PARN: variants seen among roughly 807,000 people sequenced by gnomAD.
PARN encodes poly(A)-specific ribonuclease PARN.
PARN carries 71 observed loss-of-function variants against 102.8 expected under a neutral mutation model. That is an observed-to-expected ratio of 0.69 (90% confidence interval 0.57 to 0.84). PARN has a LOEUF of 0.84. Among genes scored for constraint, PARN ranks in the 40% least tolerant of loss-of-function variants. PARN has a pLI of 0.00. For synonymous variants in PARN, 261 were observed against 252.9 expected (o/e 1.03, Z -0.30); for missense variants, 782 against 760.9 (o/e 1.03, Z -0.33).
intron 15 of PARN, 50 bp downstream of exon 15, chr16:14,584,698 AT>A: frequency 3.9e-6 from 5 of 1,298,402 alleles, no homozygotes; most frequent in Non-Finnish European, 5.5e-6. Context: ...TCTGGCATTC[AT>A]TTCACTCAGT....
Position 14,556,790 on chromosome 16 carries a change from G to A in PARN, c.1263-1081C>T, listed in dbSNP as rs1430226239. On this transcript the variant is annotated intron_variant, in intron 18 of 23. Coordinates refer to ENST00000437198, the MANE Select transcript of PARN (RefSeq NM_002582.4). ...TTGTGAGCTGAGAATGACAACACAG[G>A]TTTCTTTTTTTTTAATGAAATGCAA... 3.9e-5 allele frequency among the ~76,000 whole-genome samples: 6 copies of A among 151,958 alleles called. No individual in the cohort carries two copies. The East Asian group carries it at 1.2e-3, about 29-fold the overall frequency.
chr16:14,606,166 G>A (rs4782157), intron 10 of PARN, among the ~76,000 whole-genome samples: 45,273 of 152,018 alleles, frequency 0.3, 7,670 homozygotes, highest in South Asian at 0.42. Flanking sequence ...CTGCGAGGCC[G>A]AGGCGGGCAA....
intron 13 of PARN, among the ~76,000 whole-genome samples, chr16:14,591,080 T>C (rs1970168648): frequency 6.6e-6 from 1 of 151,782 alleles, no homozygotes; most frequent in Non-Finnish European, 1.5e-5. Flanking sequence ...TGAGACCTAG[T>C]CTCTATTTTA....
At chr16:14,521,516 G>A (rs1331550079) in intron 21 of PARN, among the ~76,000 whole-genome samples, 4 of 152,154 alleles carry the variant, frequency 2.6e-5, no homozygotes, top group African/African-American at 7.2e-5. Context: ...TATATGTAAC[G>A]GGCCGGGCAC....
Position 14,604,238 on chromosome 16 carries a change from A to G in PARN, c.703-12T>C, listed in dbSNP as rs1971051408. On this transcript the variant is annotated splice_polypyrimidine_tract_variant and intron_variant, in intron 10 of 23. Coordinates refer to ENST00000437198, the MANE Select transcript of PARN (RefSeq NM_002582.4). ...ATATATCGCTCCTTCTAAAAGACAT[A>G]AAGCAGATATACAATTTTCTTTTCT... 1.3e-6 allele frequency: 2 copies of G among 1,496,328 alleles called. No homozygotes were observed. The highest frequency in any genetic ancestry group is 9.2e-7 in the Non-Finnish European group (1 of 1,092,576). The allele number at this position is 1,496,328 out of a possible 1,614,324, so 92.7% of individuals were successfully genotyped here. A position where few individuals can be genotyped will look rare whatever the true frequency, so the allele number is the denominator to read the frequency against.
intron 21 of PARN, among the ~76,000 whole-genome samples, chr16:14,488,718 C>A (rs1191210558): frequency 6.6e-6 from 1 of 152,160 alleles, no homozygotes; most frequent in African/African-American, 2.4e-5. Flanking sequence ...ATTGATAATA[C>A]AACTATTGGG....
At chr16:14,603,444 C>T (rs1005392463) in intron 11 of PARN, among the ~76,000 whole-genome samples, 6 of 152,108 alleles carry the variant, frequency 3.9e-5, no homozygotes, top group Middle Eastern at 3.4e-3. Context: ...CCACCTTTTC[C>T]CCCAACCGAT....
chr16:14,582,786 G>A (rs1044625213), intron 16 of PARN, among the ~76,000 whole-genome samples: 8 of 151,960 alleles, frequency 5.3e-5, no homozygotes, highest in African/African-American at 1.9e-4. Context: ...TCATCCCTAA[G>A]GTTCCAGTTT....
intron 21 of PARN, among the ~76,000 whole-genome samples, chr16:14,527,395 A>G (rs1966065348): frequency 6.6e-6 from 1 of 152,240 alleles, no homozygotes; most frequent in African/African-American, 2.4e-5. Flanking sequence ...CGCTCATTCT[A>G]TTTTATGGAA....
chr16:14,586,603 T>A (rs896807548), intron 13 of PARN, among the ~76,000 whole-genome samples: 4 of 152,060 alleles, frequency 2.6e-5, no homozygotes, highest in Non-Finnish European at 4.4e-5. Context: ...AACAACAAAT[T>A]TAAGGATTTA....
At chr16:14,602,499 A>T (rs1970933834) in intron 11 of PARN, among the ~76,000 whole-genome samples, 2 of 152,176 alleles carry the variant, frequency 1.3e-5, no homozygotes, top group Non-Finnish European at 2.9e-5. Flanking sequence ...TCGAAACCTC[A>T]TCAGGTCAAA....
intron 11 of PARN, among the ~76,000 whole-genome samples, chr16:14,602,407 T>C (rs1402802849): frequency 6.6e-6 from 1 of 152,152 alleles, no homozygotes; most frequent in Non-Finnish European, 1.5e-5. Context: ...ATGACAATCA[T>C]GCCTAGCCCT....
At chr16:14,507,024 G>A (rs1361260679) in intron 21 of PARN, among the ~76,000 whole-genome samples, 1 of 152,164 alleles carries the variant, frequency 6.6e-6, no homozygotes, top group African/African-American at 2.4e-5. Context: ...AGGGTGATCT[G>A]ACAATCTATA....
chr16:14,522,057 C>T (rs1022643901), intron 21 of PARN, among the ~76,000 whole-genome samples: 3 of 152,180 alleles, frequency 2.0e-5, no homozygotes, highest in Admixed American at 1.3e-4. Flanking sequence ...AAGTACACAA[C>T]GATGTTCACA....
chr16:14,580,834 A>G (rs1291435699), intron 18 of PARN, 40 bp downstream of exon 18: 1 of 1,212,368 alleles, frequency 8.2e-7, no homozygotes, highest in Admixed American at 1.7e-5. Flanking sequence ...GCTGTTCCAC[A>G]GTGAGAGAAC....
chr16:14,550,182 C>G (rs1042858100), intron 21 of PARN, among the ~76,000 whole-genome samples: 1 of 151,378 alleles, frequency 6.6e-6, no homozygotes, highest in Non-Finnish European at 1.5e-5. Context: ...TTATCTTGAG[C>G]TTTCTAATAA....
chr16:14,572,865 T>C (rs1031695716), intron 18 of PARN, among the ~76,000 whole-genome samples: 1 of 152,052 alleles, frequency 6.6e-6, no homozygotes, highest in African/African-American at 2.4e-5. Flanking sequence ...CTGAATCTCC[T>C]AGCATGTTAG....
In PARN at chr16:14,435,973, C is replaced by T. The variant is rs1960674461; in HGVS notation, c.*744G>A. ...ACGTACGCACACACGCTGCCGTACC[C>T]CGAGACCGCCATCCAAACAAACGAA... On this transcript the variant is annotated 3_prime_UTR_variant, in exon 24 of 24. Transcript: ENST00000437198. 6.6e-6 allele frequency: 1 copy of T among 152,034 alleles called. No individual in the cohort carries two copies. The highest frequency in any genetic ancestry group is 2.4e-5 in the African/African-American group (1 of 41,272). 9.4% of individuals were successfully genotyped at this position (152,034 alleles called of 1,614,324 possible).
chr16:14,581,625 A>G (rs1258770556), intron 17 of PARN, among the ~76,000 whole-genome samples: 2 of 152,146 alleles, frequency 1.3e-5, no homozygotes, highest in Admixed American at 6.5e-5. Flanking sequence ...TGCCCTTATA[A>G]GAAGGGTCAG....
Sources: allele counts gnomAD v4.1 joint callset (sites outside exome capture counted in the v4.1 genomes callset), GRCh38; gene constraint gnomAD v4.1.1; transcripts MANE v1.5; gene names NCBI Gene and HGNC (gene_info 2026-07-23, HGNC 2026-07-21).